Variants in PABPC4L observed in about 807,000 individuals in gnomAD.
The protein encoded by PABPC4L is poly(A) binding protein cytoplasmic 4 like, also known as polyadenylate-binding protein 4-like.
For synonymous variants in PABPC4L, 169 were observed against 164.1 expected (o/e 1.03, Z -0.23); for missense variants, 452 against 451.4 (o/e 1.00, Z -0.01).
chr4:134,173,812 T>C, the PABPC4L span, among the ~76,000 whole-genome samples: 1 of 152,202 alleles, frequency 6.6e-6, no homozygotes, highest in Non-Finnish European at 1.5e-5. Context: ...TGTATCAAAA[T>C]ATCACATGTA....
the PABPC4L span, among the ~76,000 whole-genome samples, chr4:133,984,928 G>A: frequency 6.6e-6 from 1 of 151,802 alleles, no homozygotes; most frequent in Non-Finnish European, 1.5e-5. Context: ...CCAGGAACAG[G>A]GAATTTAATA....
the PABPC4L span, among the ~76,000 whole-genome samples, chr4:133,970,179 G>A: frequency 4.0e-5 from 6 of 150,896 alleles, no homozygotes; most frequent in Admixed American, 6.6e-5. Context: ...CAAAGATCAC[G>A]CCTCTCCTTT....
the PABPC4L span, among the ~76,000 whole-genome samples, chr4:134,060,348 G>C: frequency 6.6e-6 from 1 of 151,800 alleles, no homozygotes; most frequent in Non-Finnish European, 1.5e-5. Flanking sequence ...ATGACCTAAT[G>C]AGACACCAGC....
At chr4:134,181,924 A>G in the PABPC4L span, among the ~76,000 whole-genome samples, 1 of 151,974 alleles carries the variant, frequency 6.6e-6, no homozygotes, top group Non-Finnish European at 1.5e-5. Flanking sequence ...AAGTATCAAT[A>G]TTGTTAAAAT....
chr4:134,071,544 C>T, the PABPC4L span, among the ~76,000 whole-genome samples: 1 of 152,194 alleles, frequency 6.6e-6, no homozygotes, highest in African/African-American at 2.4e-5. Flanking sequence ...GTACCTCTCA[C>T]ACCACCCTAT....
chr4:134,184,702 T>C, the PABPC4L span, among the ~76,000 whole-genome samples: 1 of 151,774 alleles, frequency 6.6e-6, no homozygotes, highest in Non-Finnish European at 1.5e-5. Flanking sequence ...TTTGTGTAGA[T>C]ACCAAGGATT....
chr4:134,138,218 A>T, the PABPC4L span, among the ~76,000 whole-genome samples: 108 of 151,978 alleles, frequency 7.1e-4, 1 homozygote, highest in African/African-American at 2.6e-3. Flanking sequence ...ACCAAAACCT[A>T]GTAAAAATAT....
the PABPC4L span, among the ~76,000 whole-genome samples, chr4:134,025,111 A>T: frequency 6.6e-6 from 1 of 150,738 alleles, no homozygotes; most frequent in Non-Finnish European, 1.5e-5. Flanking sequence ...TGGGTAGATC[A>T]TTTGAGGTCA....
the PABPC4L span, among the ~76,000 whole-genome samples, chr4:134,043,167 A>G: frequency 2.3e-5 from 3 of 128,098 alleles, no homozygotes; most frequent in African/African-American, 3.3e-5. Flanking sequence ...CTACACCCAC[A>G]CACCATATAC....
At chr4:134,076,910 A>G in the PABPC4L span, among the ~76,000 whole-genome samples, 1 of 152,154 alleles carries the variant, frequency 6.6e-6, no homozygotes, top group Non-Finnish European at 1.5e-5. Context: ...GTCTATGATA[A>G]TTAAAGAGAT....
the PABPC4L span, among the ~76,000 whole-genome samples, chr4:134,068,715 C>CT: frequency 3.9e-3 from 569 of 144,610 alleles, 2 homozygotes; most frequent in Middle Eastern, 0.018. Flanking sequence ...TAAGATACAT[C>CT]TTTTTTTTTT....
At chr4:133,989,009 C>T in the PABPC4L span, among the ~76,000 whole-genome samples, 6 of 152,188 alleles carry the variant, frequency 3.9e-5, no homozygotes, top group East Asian at 1.9e-4. Flanking sequence ...GACCTTGGAC[C>T]CTTTTACCCA....
the PABPC4L span, among the ~76,000 whole-genome samples, chr4:134,019,642 A>C: frequency 6.6e-6 from 1 of 152,174 alleles, no homozygotes; most frequent in Non-Finnish European, 1.5e-5. Context: ...GATGATGTGA[A>C]AAATGCAAAT....
rs890846502 is a variant in PABPC4L at position 134,198,015 on chromosome 4, T to C, written c.*1892A>G. On this transcript the variant is annotated 3_prime_UTR_variant, in exon 2 of 2. Transcript: ENST00000421491. ...GCAAGGATGTTAATCTCCAAGTTAT[T>C]TATGACAGAGGAAGAAGAAAAAAGG... is the stretch of plus-strand genomic sequence containing the variant. 1 of 151,696 alleles carries C rather than the reference T, an allele frequency of 6.6e-6. No individual in the cohort carries two copies. The highest frequency in any genetic ancestry group is 2.4e-5 in the African/African-American group (1 of 41,402). The allele number at this position is 151,696 out of a possible 1,614,324, so 9.4% of individuals were successfully genotyped here.
chr4:134,012,474 A>T, the PABPC4L span, among the ~76,000 whole-genome samples: 1 of 152,000 alleles, frequency 6.6e-6, no homozygotes, highest in African/African-American at 2.4e-5. Flanking sequence ...ATTTTCCTTT[A>T]CCTGCCCAAG....
chr4:134,196,332 C>T (rs964622645), downstream of PABPC4L: 1 of 151,520 alleles, frequency 6.6e-6, no homozygotes, highest in African/African-American at 2.4e-5. Flanking sequence ...TTCAAACATG[C>T]TTTCACCTTT....
the PABPC4L span, among the ~76,000 whole-genome samples, chr4:134,107,538 T>G: frequency 6.2e-3 from 947 of 151,696 alleles, 7 homozygotes; most frequent in African/African-American, 0.022. Context: ...TGGAACAGGA[T>G]GCAAGCTTAA....
the PABPC4L span, among the ~76,000 whole-genome samples, chr4:134,088,328 G>T: frequency 5.3e-5 from 8 of 151,998 alleles, no homozygotes; most frequent in African/African-American, 4.8e-5. Flanking sequence ...TGGTTCAAAA[G>T]CACCTCTACT....
chr4:134,189,085 A>G, the PABPC4L span, among the ~76,000 whole-genome samples: 2 of 152,074 alleles, frequency 1.3e-5, no homozygotes, highest in African/African-American at 4.8e-5. Context: ...TAATGAGGCC[A>G]TCAAAGGCAT....
Sources: allele counts gnomAD v4.1 joint callset (sites outside exome capture counted in the v4.1 genomes callset), GRCh38; gene constraint gnomAD v4.1.1; transcripts MANE v1.5; gene names NCBI Gene and HGNC (gene_info 2026-07-23, HGNC 2026-07-21).